SPNS3: variants seen among roughly 807,000 people sequenced by gnomAD.
The protein encoded by SPNS3 is protein spinster homolog 3.
In SPNS3, 51 loss-of-function variants were observed where a neutral mutation model predicts 54.4. The ratio of observed to expected loss-of-function variants is 0.94; its 90% CI spans 0.75 to 1.18. SPNS3 has a LOEUF of 1.18. Among genes scored for constraint, SPNS3 ranks in the 50% most tolerant of loss-of-function variants. The pLI is 0.00. For missense variants in SPNS3, 669 were observed against 677.4 expected, an observed-to-expected ratio of 0.99 and a Z score of 0.14; for synonymous variants, 309 against 294.7, an observed-to-expected ratio of 1.05 and a Z score of -0.50.
rs1319492383 is a variant in SPNS3 at position 4,486,210 on chromosome 17, T to C, written c.1180-18T>C. 1 of 1,522,138 alleles carries C rather than the reference T, an allele frequency of 6.6e-7. No individual in the cohort carries two copies. Among genetic ancestry groups the C allele is most frequent in the Non-Finnish European group, 8.8e-7 (1 of 1,137,470 alleles). 94.3% of individuals were successfully genotyped at this position (1,522,138 alleles called of 1,614,324 possible). A position where few individuals can be genotyped will look rare whatever the true frequency, so the allele number is the denominator to read the frequency against. The stretch of plus-strand genomic sequence containing the variant: ...GCCCTCACTTGGGGTGCCCCCCTGC[T>C]GTGCCTATGTTTTGCAGTCTGTGGT... On this transcript the variant is annotated intron_variant, in intron 9 of 11. Coordinates refer to ENST00000355530, the MANE Select transcript of SPNS3 (RefSeq NM_182538.5). This position sits in a 1 kb window ranked among gnomAD's most constrained non-coding sequence, Gnocchi z 5.5.
intron 8 of SPNS3, among the ~76,000 whole-genome samples, chr17:4,470,860 A>T (rs933420458): frequency 2.0e-5 from 3 of 152,054 alleles, no homozygotes; most frequent in African/African-American, 7.2e-5. Context: ...TTCTCTCCCC[A>T]ACCTCCTGAT....
chr17:4,448,351 C>G, intron 6 of SPNS3, 48 bp downstream of exon 6: 1 of 1,451,070 alleles, frequency 6.9e-7, no homozygotes, highest in Middle Eastern at 1.8e-4. Flanking sequence ...GCCCGTTTGT[C>G]TGCCCCAGCA....
chr17:4,458,433 T>C (rs12951202), intron 8 of SPNS3, among the ~76,000 whole-genome samples: 1 of 94,604 alleles, frequency 1.1e-5, no homozygotes, highest in African/African-American at 2.8e-5. Context: ...TTTCTTTCCT[T>C]CCTCCCTCCC....
intron 8 of SPNS3, among the ~76,000 whole-genome samples, chr17:4,456,478 C>T (rs1005936805): frequency 5.9e-5 from 9 of 152,178 alleles, no homozygotes; most frequent in Non-Finnish European, 8.8e-5. Context: ...CTTATTTAGT[C>T]CTCACGACTG....
intron 7 of SPNS3, among the ~76,000 whole-genome samples, chr17:4,451,822 C>G (rs991210796): frequency 6.6e-6 from 1 of 151,278 alleles, no homozygotes; most frequent in Non-Finnish European, 1.5e-5. Context: ...GTGCCCACCA[C>G]TGTTCCCAGC....
intron 7 of SPNS3, among the ~76,000 whole-genome samples, chr17:4,450,998 G>A (rs8073322): frequency 6.6e-6 from 1 of 151,856 alleles, no homozygotes; most frequent in Non-Finnish European, 1.5e-5. Flanking sequence ...GAAGGGCTTG[G>A]TAGCTGGGGC....
intron 8 of SPNS3, among the ~76,000 whole-genome samples, chr17:4,455,317 C>T (rs1227062234): frequency 6.6e-6 from 1 of 152,214 alleles, no homozygotes. Context: ...ACATCCCTGA[C>T]ATCTCCCCTC....
chr17:4,452,867 G>C (rs1971202583), intron 7 of SPNS3, 149 bp from the exon 8 acceptor site: 4 of 689,040 alleles, frequency 5.8e-6, no homozygotes, highest in Non-Finnish European at 2.4e-6. Context: ...TAAGGTTCTG[G>C]GTCAGGTCAG....
chr17:4,454,584 A>C (rs1189930131), intron 8 of SPNS3, among the ~76,000 whole-genome samples: 1 of 150,780 alleles, frequency 6.6e-6, no homozygotes, highest in Non-Finnish European at 1.5e-5. Flanking sequence ...AAATCAAAAC[A>C]ACTTTAGCCC....
intron 8 of SPNS3, among the ~76,000 whole-genome samples, chr17:4,473,393 C>CTTTTT (rs57102011): frequency 7.7e-6 from 1 of 129,666 alleles, no homozygotes; most frequent in Non-Finnish European, 1.6e-5. Context: ...TCTTCCCAGT[C>CTTTTT]TTTTTTTTTT....
Position 4,483,102 on chromosome 17 carries a change from A to C in SPNS3, c.1180-3126A>C, listed in dbSNP as rs538850522. 6.6e-6 allele frequency among the ~76,000 whole-genome samples: 1 copy of C among 152,154 alleles called. No homozygotes were observed. Among genetic ancestry groups the C allele is most frequent in the South Asian group, 2.1e-4 (1 of 4,812 alleles). On this transcript the variant is annotated intron_variant, in intron 9 of 11. Transcript: ENST00000355530. This position sits in a 1 kb window ranked among gnomAD's most constrained non-coding sequence, Gnocchi z 4.2. Reference sequence around the variant, plus strand: ...CTTCCCTGCTCAGCCTCTGCCCCCCAGGTAGCTGTCTGCTCACTGGCCTGT... The same window carrying C: ...CTTCCCTGCTCAGCCTCTGCCCCCCCGGTAGCTGTCTGCTCACTGGCCTGT...
intron 11 of SPNS3, among the ~76,000 whole-genome samples, chr17:4,487,187 A>AG (rs1972344900): frequency 6.7e-6 from 1 of 149,892 alleles, no homozygotes; most frequent in Non-Finnish European, 1.5e-5. Flanking sequence ...AAAAAAAAAA[A>AG]AAAAGGGACA....
intron 8 of SPNS3, among the ~76,000 whole-genome samples, chr17:4,468,174 C>G (rs981599182): frequency 6.6e-6 from 1 of 152,114 alleles, no homozygotes; most frequent in African/African-American, 2.4e-5. Flanking sequence ...GGCGTGGAGG[C>G]GCACACCTGT....
chr17:4,452,256 C>A (rs1194464478), intron 7 of SPNS3, among the ~76,000 whole-genome samples: 1 of 152,112 alleles, frequency 6.6e-6, no homozygotes, highest in Non-Finnish European at 1.5e-5. Context: ...GCCACCAAGG[C>A]TGGATGATTT....
At chr17:4,435,376 C>A (rs1970686959) in intron 1 of SPNS3, among the ~76,000 whole-genome samples, 1 of 150,170 alleles carries the variant, frequency 6.7e-6, no homozygotes, top group African/African-American at 2.5e-5. Context: ...GAGCCGAGAT[C>A]CCACCATTGA....
intron 9 of SPNS3, chr17:4,485,079 G>A (rs1972275623): frequency 6.6e-6 from 1 of 152,126 alleles, no homozygotes; most frequent in Non-Finnish European, 1.5e-5. Context: ...CGAAACGTAA[G>A]TCCTAAATGA....
At chr17:4,482,237 T>C (rs1461095952) in intron 9 of SPNS3, 2 of 152,206 alleles carry the variant, frequency 1.3e-5, no homozygotes, top group Admixed American at 6.5e-5. Context: ...ATCCAGGTTA[T>C]CTCTGGAGAA....
chr17:4,457,229 A>C (rs1442120658), intron 8 of SPNS3, among the ~76,000 whole-genome samples: 1 of 152,200 alleles, frequency 6.6e-6, no homozygotes, highest in Admixed American at 6.5e-5. Flanking sequence ...CTGTCTCTAC[A>C]GAAAATTAAA....
At chr17:4,449,040 A>G (rs554742744) in intron 6 of SPNS3, among the ~76,000 whole-genome samples, 195 bp from the exon 7 acceptor site, 3 of 152,070 alleles carry the variant, frequency 2.0e-5, no homozygotes, top group Non-Finnish European at 2.9e-5. Context: ...AGCTTGGGGT[A>G]ACCTGAGTGT....
Sources: allele counts gnomAD v4.1 joint callset (sites outside exome capture counted in the v4.1 genomes callset), GRCh38; gene constraint gnomAD v4.1.1; non-coding constraint Gnocchi (gnomAD v3.1); transcripts MANE v1.5; gene names NCBI Gene and HGNC (gene_info 2026-07-23, HGNC 2026-07-21).